Variants in STK3 observed in about 807,000 individuals in gnomAD.
STK3 encodes the protein serine/threonine-protein kinase 3.
Under a neutral mutation model 58.0 loss-of-function variants are expected in STK3, and 41 were observed. The observed-to-expected ratio is 0.71, with a 90% confidence interval of 0.55 to 0.92. STK3 has a LOEUF of 0.92. Ranked by LOEUF, STK3 falls within the 40% of genes least tolerant of loss-of-function variation. STK3 has a pLI of 0.00. For synonymous variants in STK3, 170 were observed against 191.0 expected (o/e 0.89, Z 0.91); for missense variants, 479 against 602.7 (o/e 0.79, Z 2.15).
chr8:98,871,928 A>G (rs1837395130), intron 3 of STK3, among the ~76,000 whole-genome samples: 1 of 152,194 alleles, frequency 6.6e-6, no homozygotes, highest in African/African-American at 2.4e-5. Flanking sequence ...GCCAGTTTTC[A>G]AATGGAATGC....
chr8:98,610,996 T>C (rs902754389), intron 6 of STK3, among the ~76,000 whole-genome samples: 2 of 152,080 alleles, frequency 1.3e-5, no homozygotes, highest in African/African-American at 4.8e-5. Flanking sequence ...TCATTCAAAA[T>C]CCAGTCATAT....
chr8:98,532,169 C>T (rs965462618), intron 9 of STK3, among the ~76,000 whole-genome samples: 5 of 152,168 alleles, frequency 3.3e-5, no homozygotes, highest in African/African-American at 1.2e-4. Context: ...ATATGCCTTC[C>T]TCACTAAGTT....
intron 1 of STK3, among the ~76,000 whole-genome samples, chr8:98,903,380 T>G (rs1035842815): frequency 6.6e-6 from 1 of 152,156 alleles, no homozygotes; most frequent in African/African-American, 2.4e-5. Flanking sequence ...TTTTTTCTAA[T>G]GAATCCCAGA....
chr8:98,883,568 G>T (rs1837874425), downstream of STK3: 3 of 634,208 alleles, frequency 4.7e-6, no homozygotes, highest in South Asian at 5.4e-5. Context: ...TTATTTTAAG[G>T]ACAATAAACA....
chr8:98,413,669 C>T, intron 3 of STK3: 1 of 914,980 alleles, frequency 1.1e-6, no homozygotes, highest in Non-Finnish European at 1.8e-6. Flanking sequence ...AGTTGAGGAA[C>T]TCTACAGTGT....
the STK3 span, among the ~76,000 whole-genome samples, chr8:98,364,594 G>T: frequency 6.6e-6 from 1 of 152,236 alleles, no homozygotes; most frequent in African/African-American, 2.4e-5. Flanking sequence ...ACGCAATTAT[G>T]TGGCTATCAC....
chr8:98,450,840 C>A (rs1019941930), downstream of STK3, among the ~76,000 whole-genome samples: 11 of 152,160 alleles, frequency 7.2e-5, no homozygotes, highest in Non-Finnish European at 5.9e-5. Context: ...TAAGTTGTAA[C>A]TGAAGAGCCA....
Position 98,579,788 on chromosome 8 carries a change from T to C in STK3, c.824A>G (p.His275Arg), listed in dbSNP as rs1300842216. 2.6e-6 allele frequency: 4 copies of C among 1,568,086 alleles called. No individual in the cohort carries two copies. Among genetic ancestry groups the C allele is most frequent in the Non-Finnish European group, 3.4e-6 (4 of 1,166,920 alleles). ...QRATATQLLQ[H>R]PFIKNAKPVS... Reference sequence around the variant, plus strand: ...AGGTTTGGCATTCTTGATAAAAGGATGCTAAAAAAGTAAAATTCAATGGTA... The same window carrying C: ...AGGTTTGGCATTCTTGATAAAAGGACGCTAAAAAAGTAAAATTCAATGGTA... The change falls in exon 8 of 11, where the codon CAT becomes CGT. Residue 275 changes from histidine to arginine, a missense_variant and splice_region_variant. Around this residue, in one of 3 missense-constraint regions of STK3, gnomAD observed 309 missense variants for 355.7 expected, o/e 0.87. Transcript: ENST00000419617.
chr8:98,883,649 G>C, downstream of STK3: 1 of 702,928 alleles, frequency 1.4e-6, no homozygotes, highest in South Asian at 1.5e-5. Flanking sequence ...TTCTTTACCT[G>C]TCTTGCTTGT....
intron 4 of STK3, among the ~76,000 whole-genome samples, chr8:98,737,812 A>G (rs1330359961): frequency 6.6e-6 from 1 of 152,050 alleles, no homozygotes; most frequent in Non-Finnish European, 1.5e-5. Flanking sequence ...GGTTCAAGAG[A>G]TTCTCCTGCC....
chr8:98,593,085 G>A (rs939821417), intron 7 of STK3, among the ~76,000 whole-genome samples: 1 of 151,938 alleles, frequency 6.6e-6, no homozygotes, highest in African/African-American at 2.4e-5. Flanking sequence ...TTAGAATCTC[G>A]GCTGCCCACC....
exon 3 of STK3, chr8:98,371,472 C>T (rs566139381): frequency 6.6e-5 from 10 of 152,302 alleles, no homozygotes; most frequent in Admixed American, 2.6e-4. Context: ...GGCTTTCATT[C>T]GAAAGCACAT....
intron 10 of STK3, among the ~76,000 whole-genome samples, 184 bp from the exon 11 acceptor site, chr8:98,456,184 G>A (rs1162609608): frequency 1.3e-5 from 2 of 152,110 alleles, no homozygotes; most frequent in Admixed American, 6.6e-5. Flanking sequence ...GAACTCAGAG[G>A]TCATATCTTG....
intron 3 of STK3, among the ~76,000 whole-genome samples, chr8:98,402,117 A>G (rs1182405042): frequency 6.6e-6 from 1 of 152,194 alleles, no homozygotes; most frequent in East Asian, 1.9e-4. Context: ...TAATAGCTTT[A>G]CCATTTATTT....
intron 6 of STK3, among the ~76,000 whole-genome samples, chr8:98,621,030 C>T (rs370075070): frequency 4.0e-4 from 60 of 150,864 alleles, no homozygotes; most frequent in African/African-American, 1.2e-3. Flanking sequence ...CCCGGGTTCA[C>T]GCCATTCTCC....
intron 10 of STK3, among the ~76,000 whole-genome samples, chr8:98,470,771 TCTCTG>T (rs140242041): frequency 4.9e-4 from 74 of 152,330 alleles, no homozygotes; most frequent in African/African-American, 1.8e-3. Flanking sequence ...CCTTGGTAAA[TCTCTG>T]CTCTAAGTAT....
chr8:98,883,913 G>A, intron 1 of STK3: 1 of 547,904 alleles, frequency 1.8e-6, no homozygotes. Flanking sequence ...AGGGTTGCCG[G>A]GGATGACTTC....
chr8:98,589,643 G>C (rs992487582), intron 7 of STK3, among the ~76,000 whole-genome samples: 8 of 152,360 alleles, frequency 5.3e-5, no homozygotes, highest in Middle Eastern at 3.4e-3. Flanking sequence ...GAGCTTCCTG[G>C]CTGCTTTGTC....
chr8:98,366,441 T>C (rs1216688373), downstream of STK3, among the ~76,000 whole-genome samples: 1 of 152,270 alleles, frequency 6.6e-6, no homozygotes, highest in Non-Finnish European at 1.5e-5. Context: ...TTATGATTTC[T>C]GACATTACTG....
Sources: gnomAD v4.1 joint callset for allele counts (sites outside exome capture counted in the v4.1 genomes callset) on GRCh38, gnomAD v4.1.1 for gene constraint, gnomAD v4.1.1 regional missense constraint, MANE v1.5 for transcripts, NCBI Gene and HGNC (gene_info 2026-07-23, HGNC 2026-07-21) for gene names.